The following ZNF514 variants were observed in gnomAD, a reference collection of about 807,000 sequenced individuals.
ZNF514 encodes zinc finger protein 514.
ZNF514 carries 12 observed loss-of-function variants against 9.7 expected under a neutral mutation model. The ratio of observed to expected loss-of-function variants is 1.24; its 90% CI spans 0.79 to 2.01. The LOEUF is 2.01. ZNF514 is among the 30% of genes most tolerant of loss of function. The pLI is 0.00. For missense variants in ZNF514, 467 were observed against 465.5 expected, an observed-to-expected ratio of 1.00 and a Z score of -0.03; for synonymous variants, 158 against 163.7, an observed-to-expected ratio of 0.97 and a Z score of 0.27.
At chr2:95,140,067 G>A (rs1226896592), downstream of ZNF514, among the ~76,000 whole-genome samples, 6 of 152,110 alleles carry the variant, frequency 3.9e-5, no homozygotes, top group Non-Finnish European at 7.3e-5. Context: ...ACTCATAGGT[G>A]GGAATTGAAC....
the ZNF514 span, among the ~76,000 whole-genome samples, chr2:95,125,971 T>C: frequency 2.6e-5 from 4 of 152,214 alleles, no homozygotes; most frequent in Non-Finnish European, 5.9e-5. Context: ...TTTTGAAATA[T>C]ATCCATCATG....
At chr2:95,135,659 C>T in the ZNF514 span, among the ~76,000 whole-genome samples, 1 of 152,090 alleles carries the variant, frequency 6.6e-6, no homozygotes, top group African/African-American at 2.4e-5. Context: ...TGGGCTTAAG[C>T]GATCCTCCTG....
intron 1 of ZNF514, 110 bp from the exon 2 acceptor site, chr2:95,157,549 C>G: frequency 2.0e-6 from 1 of 501,616 alleles, no homozygotes; most frequent in South Asian, 1.7e-5. Context: ...CTCCGTTGTT[C>G]TGAGGACACC....
chr2:95,144,761 T>C (rs1673320354), downstream of ZNF514, among the ~76,000 whole-genome samples: 1 of 152,222 alleles, frequency 6.6e-6, no homozygotes, highest in African/African-American at 2.4e-5. Context: ...AAAGGTAGCC[T>C]GGGAACTCCC....
In ZNF514 at chr2:95,148,475, A is replaced by G. The variant is rs1456440615; in HGVS notation, c.*807T>C. ...TTTCCTCACATTCATCATGTTCCCAAGGTTTCTCTTTGAGATGAATACTGA... is the reference window on the plus strand; with the variant it reads ...TTTCCTCACATTCATCATGTTCCCAGGGTTTCTCTTTGAGATGAATACTGA... On this transcript the variant is annotated 3_prime_UTR_variant, in exon 5 of 5. Coordinates refer to ENST00000295208, the MANE Select transcript of ZNF514 (RefSeq NM_032788.3). 3 of 152,246 alleles carry G rather than the reference A, an allele frequency of 2.0e-5. No individual in the cohort carries two copies. Among genetic ancestry groups the G allele is most frequent in the Admixed American group, 6.5e-5 (1 of 15,280 alleles). 9.4% of individuals were successfully genotyped at this position (152,246 alleles called of 1,614,324 possible).
chr2:95,123,763 C>T, the ZNF514 span, among the ~76,000 whole-genome samples: 1 of 152,172 alleles, frequency 6.6e-6, no homozygotes, highest in Non-Finnish European at 1.5e-5. Context: ...ATACAACAGC[C>T]AGTTCATGAT....
chr2:95,138,201 A>G, the ZNF514 span, among the ~76,000 whole-genome samples: 2 of 152,248 alleles, frequency 1.3e-5, no homozygotes, highest in Non-Finnish European at 2.9e-5. Flanking sequence ...GAAAATTGGT[A>G]TCCAGCAGTG....
At chr2:95,129,713 C>T in the ZNF514 span, among the ~76,000 whole-genome samples, 1 of 152,136 alleles carries the variant, frequency 6.6e-6, no homozygotes, top group Admixed American at 6.5e-5. Flanking sequence ...AGGCTACCAC[C>T]CCCACCCATT....
At position 95,145,892 on chromosome 2, in the gene ZNF514, C is replaced by T. The variant is rs76878004; in HGVS notation, c.*3390G>A. Among the ~76,000 whole-genome samples, 4 of 152,336 alleles carry T rather than the reference C, an allele frequency of 2.6e-5. No homozygotes were observed. The highest frequency in any genetic ancestry group is 2.1e-4 in the South Asian group (1 of 4,824). On this transcript the variant is annotated 3_prime_UTR_variant, in exon 5 of 5. Coordinates refer to ENST00000295208, the MANE Select transcript of ZNF514 (RefSeq NM_032788.3). ...TTCCTACAAGATAAATCCTCACTCC[C>T]GTGTTTGGTAATGTCCTCTTTAGGC...
At chr2:95,126,226 C>G in the ZNF514 span, among the ~76,000 whole-genome samples, 1 of 151,800 alleles carries the variant, frequency 6.6e-6, no homozygotes, top group East Asian at 1.9e-4. Flanking sequence ...CAAAAATTAG[C>G]CAGGTGTAGT....
rs1673359726 is a variant in ZNF514 at position 95,146,359 on chromosome 2, A to G, written c.*2923T>C. Among the ~76,000 whole-genome samples, 1 of 152,238 alleles carries G rather than the reference A, an allele frequency of 6.6e-6. No individual in the cohort carries two copies. Among genetic ancestry groups the G allele is most frequent in the African/African-American group, 2.4e-5 (1 of 41,464 alleles). On this transcript the variant is annotated 3_prime_UTR_variant, in exon 5 of 5. Transcript: ENST00000295208. ...TGTTTATGATTACAAATGGTAAGAT[A>G]TGACTTCATATCAGTTTTCAAGAGA...
chr2:95,132,534 G>A, the ZNF514 span, among the ~76,000 whole-genome samples: 1 of 152,066 alleles, frequency 6.6e-6, no homozygotes, highest in Non-Finnish European at 1.5e-5. Flanking sequence ...GACATAAAAT[G>A]GTACCGCCAT....
chr2:95,138,293 G>A, the ZNF514 span, among the ~76,000 whole-genome samples: 1 of 152,172 alleles, frequency 6.6e-6, no homozygotes, highest in Admixed American at 6.5e-5. Flanking sequence ...AGTTTGGAGG[G>A]CTCAGAGGCA....
intron 4 of ZNF514, among the ~76,000 whole-genome samples, chr2:95,152,406 G>A (rs3112997): frequency 0.8 from 121,111 of 152,022 alleles, 48,619 homozygotes; most frequent in African/African-American, 0.88. Context: ...AACATTGACT[G>A]TGAGACATCT....
At chr2:95,141,104 G>T (rs763822525), downstream of ZNF514, among the ~76,000 whole-genome samples, 1 of 152,050 alleles carries the variant, frequency 6.6e-6, no homozygotes, top group Non-Finnish European at 1.5e-5. Context: ...CTTGGGTAAT[G>T]GGTGCACCAA....
the ZNF514 span, among the ~76,000 whole-genome samples, chr2:95,129,781 GAGAGCTCC>G: frequency 6.6e-6 from 1 of 152,146 alleles, no homozygotes; most frequent in East Asian, 1.9e-4. Context: ...CACAAGACCA[GAGAGCTCC>G]AAAGCTACCC....
chr2:95,142,621 A>G (rs1673267910), downstream of ZNF514, among the ~76,000 whole-genome samples: 1 of 152,162 alleles, frequency 6.6e-6, no homozygotes, highest in African/African-American at 2.4e-5. Context: ...CAGATTAAGG[A>G]ATAGTATTTC....
At chr2:95,127,511 C>A in the ZNF514 span, among the ~76,000 whole-genome samples, 1 of 152,210 alleles carries the variant, frequency 6.6e-6, no homozygotes, top group Non-Finnish European at 1.5e-5. Context: ...TTAAGTGCCA[C>A]CACATAGTGC....
chr2:95,153,189 T>C lies in ZNF514; in HGVS notation c.65A>G (p.Gln22Arg), dbSNP rs372558218. The C allele has an allele frequency of 5.6e-6, 9 of 1,614,012 alleles. No homozygotes were observed. In the African/African-American group the frequency reaches 8.0e-5, roughly 14 times the overall value. ...QWEWGQLNPA[Q>R]KDLYREVMLE... ...CATCACCTCCCTGTAGAGGTCCTTC[T>C]GAGCAGGGTTCAGCTGCCCCCACTC... is the stretch of plus-strand genomic sequence containing the variant. Residue 22 changes from glutamine (Q) to arginine (R), a missense_variant, in exon 3 of 5, where the codon CAG becomes CGG. Coordinates refer to ENST00000295208, the MANE Select transcript of ZNF514 (RefSeq NM_032788.3).
Sources: gnomAD v4.1 joint callset for allele counts (sites outside exome capture counted in the v4.1 genomes callset) on GRCh38, gnomAD v4.1.1 for gene constraint, MANE v1.5 for transcripts, NCBI Gene and HGNC (gene_info 2026-07-23, HGNC 2026-07-21) for gene names.